The following CHRNA7 variants were observed in gnomAD, a reference collection of about 807,000 sequenced individuals.
CHRNA7 encodes cholinergic receptor nicotinic alpha 7 subunit.
A neutral mutation model predicts 48.0 loss-of-function variants in CHRNA7; 17 were observed. That is an observed-to-expected ratio of 0.35 (90% CI 0.24 to 0.53). The LOEUF is 0.53. Ranked by LOEUF, CHRNA7 falls within the 20% of genes least tolerant of loss-of-function variation. The probability of loss-of-function intolerance (pLI) is 0.92; values close to 1 mark genes in which losing one functional copy is unlikely to be tolerated. For synonymous variants in CHRNA7, 75 were observed against 242.3 expected (o/e 0.31, Z 6.41); for missense variants, 155 against 577.7 (o/e 0.27, Z 7.50).
chr15:32,152,324 T>C (rs1432890485), intron 4 of CHRNA7, among the ~76,000 whole-genome samples: 1 of 152,030 alleles, frequency 6.6e-6, no homozygotes, highest in Admixed American at 6.6e-5. Flanking sequence ...GCACCTGTAA[T>C]CCCAGCTACT....
intron 4 of CHRNA7, among the ~76,000 whole-genome samples, chr15:32,114,079 C>CACATATATATATATAT (rs2050823009): frequency 1.8e-5 from 2 of 112,572 alleles, no homozygotes; most frequent in African/African-American, 6.4e-5. Context: ...TATATATACA[C>CACATATATATATATAT]ATACATACAT....
rs375371612 is a variant in CHRNA7, at chr15:32,062,621, A to G, written c.195+31584A>G. On this transcript the variant is annotated intron_variant, in intron 2 of 9. Transcript: ENST00000306901. ...CCTAGCTCTGTTCTGCAGCTGTCAG[A>G]CTGATATTTTCTTTTATGATTGCCT... 6.3e-4 allele frequency among the ~76,000 whole-genome samples: 96 copies of G among 152,214 alleles called. No individual in the cohort carries two copies. In the South Asian group the frequency reaches 0.019, roughly 30 times the overall value.
intron 2 of CHRNA7, among the ~76,000 whole-genome samples, chr15:32,033,566 T>C (rs182612098): frequency 3.3e-5 from 5 of 152,364 alleles, no homozygotes; most frequent in Admixed American, 3.3e-4. Flanking sequence ...AATGTGACTT[T>C]CCTGAGATCC....
In CHRNA7 at chr15:32,112,040, G is replaced by T. The variant is rs2050770849; in HGVS notation, c.350+141G>T. The T allele has an allele frequency of 1.8e-5, 12 of 671,630 alleles. No homozygotes were observed. In the South Asian group the frequency reaches 2.1e-4, roughly 12 times the overall value. The allele number at this position is 671,630 out of a possible 1,614,324, so 41.6% of individuals were successfully genotyped here. The stretch of plus-strand genomic sequence containing the variant: ...TGCTCCCTACACGGCTTTCCGAGCG[G>T]CCAGGCCTTTGAGAAGCAGCTCTGT... On this transcript the variant is annotated intron_variant, in intron 4 of 9. Transcript: ENST00000306901.
chr15:32,131,055 A>G lies in CHRNA7; in HGVS notation c.350+19156A>G, dbSNP rs2051147050. ...TCATTTAAATTTGTTGTTGTTGTTT[A>G]GTTTTGTTTTTCCCCCTTACGGATC... On this transcript the variant is annotated intron_variant, in intron 4 of 9. Coordinates refer to ENST00000306901, the MANE Select transcript of CHRNA7 (RefSeq NM_000746.6). 2.0e-5 allele frequency among the ~76,000 whole-genome samples: 3 copies of G among 151,804 alleles called. No homozygotes were observed. In the South Asian group the frequency reaches 6.2e-4, roughly 32 times the overall value.
In CHRNA7 at chr15:32,062,746, T is replaced by G. The variant is rs535707127; in HGVS notation, c.195+31709T>G. ...CCTGGCCATCTACACATTTGGGGCT[T>G]CCTACAACTTCCTCACATTTGTTAA... On this transcript the variant is annotated intron_variant, in intron 2 of 9. Transcript: ENST00000306901. 6.2e-4 allele frequency among the ~76,000 whole-genome samples: 94 copies of G among 152,310 alleles called. No homozygotes were observed. In the South Asian group the frequency reaches 0.019, roughly 30 times the overall value.
chr15:32,084,633 G>A (rs997745484), intron 2 of CHRNA7, among the ~76,000 whole-genome samples: 1 of 152,192 alleles, frequency 6.6e-6, no homozygotes, highest in East Asian at 1.9e-4. Flanking sequence ...AATCACCAGT[G>A]GTGGACATTT....
chr15:32,123,364 C>T (rs2051007132), intron 4 of CHRNA7, among the ~76,000 whole-genome samples: 2 of 126,376 alleles, frequency 1.6e-5, no homozygotes. Flanking sequence ...GAAATAGTGT[C>T]ATAACTTCCA....
At chr15:32,100,708 T>G (rs2050555644) in intron 2 of CHRNA7, 1 of 154,616 alleles carries the variant, frequency 6.5e-6, no homozygotes, top group African/African-American at 2.4e-5. Flanking sequence ...CTGGGTAGGC[T>G]TTACCTTCAG....
At chr15:32,033,563 C>G (rs1209996902) in intron 2 of CHRNA7, among the ~76,000 whole-genome samples, 1 of 152,230 alleles carries the variant, frequency 6.6e-6, no homozygotes. Flanking sequence ...TTTAATGTGA[C>G]TTTCCTGAGA....
chr15:32,105,357 A>AG (rs2050646536), intron 3 of CHRNA7, among the ~76,000 whole-genome samples: 2 of 151,962 alleles, frequency 1.3e-5, no homozygotes, highest in Admixed American at 1.3e-4. Context: ...GAAGGAAAAG[A>AG]GGAGGAGAAG....
At chr15:32,123,088 A>G (rs1233120538) in intron 4 of CHRNA7, among the ~76,000 whole-genome samples, 1 of 152,214 alleles carries the variant, frequency 6.6e-6, no homozygotes, top group African/African-American at 2.4e-5. Flanking sequence ...ATGAGAAGAA[A>G]CCAAGAAAGA....
intron 2 of CHRNA7, among the ~76,000 whole-genome samples, chr15:32,078,617 C>A (rs1415502195): frequency 7.5e-6 from 1 of 132,908 alleles, no homozygotes. Context: ...CTGAATAGAC[C>A]AATGACAAGT....
chr15:32,089,498 G>C (rs2050349360), intron 2 of CHRNA7, among the ~76,000 whole-genome samples: 1 of 152,020 alleles, frequency 6.6e-6, no homozygotes, highest in Admixed American at 6.6e-5. Context: ...TGTTCAAATT[G>C]CATACAGGCA....
At chr15:32,110,970 C>T (rs762237855) in intron 3 of CHRNA7, among the ~76,000 whole-genome samples, 6 of 152,122 alleles carry the variant, frequency 3.9e-5, no homozygotes, top group Admixed American at 6.5e-5. Flanking sequence ...CTTCTGGGCT[C>T]ATACTTGTCA....
intron 4 of CHRNA7, among the ~76,000 whole-genome samples, chr15:32,123,916 A>G (rs2051018215): frequency 6.7e-6 from 1 of 150,152 alleles, no homozygotes; most frequent in South Asian, 2.1e-4. Flanking sequence ...AAAAGAATCT[A>G]TAAGGGTAGA....
At chr15:32,095,315 C>A (rs2050449739) in intron 2 of CHRNA7, among the ~76,000 whole-genome samples, 1 of 152,110 alleles carries the variant, frequency 6.6e-6, no homozygotes, top group African/African-American at 2.4e-5. Context: ...CCGTTGCTCT[C>A]CTTAACGTTA....
intron 2 of CHRNA7, among the ~76,000 whole-genome samples, chr15:32,072,329 G>T (rs1299698422): frequency 6.6e-6 from 1 of 152,196 alleles, no homozygotes; most frequent in African/African-American, 2.4e-5. Context: ...CAGGAGCGAA[G>T]AAATGACTCA....
chr15:32,046,587 A>G (rs2049551620), intron 2 of CHRNA7, among the ~76,000 whole-genome samples: 2 of 152,010 alleles, frequency 1.3e-5, no homozygotes, highest in African/African-American at 4.8e-5. Flanking sequence ...TCAGATGAGT[A>G]GGTCGCGAAA....
Sources: gnomAD v4.1 joint callset for allele counts (sites outside exome capture counted in the v4.1 genomes callset) on GRCh38, gnomAD v4.1.1 for gene constraint, MANE v1.5 for transcripts, NCBI Gene and HGNC (gene_info 2026-07-23, HGNC 2026-07-21) for gene names.